The following DMD variants were observed in gnomAD, a reference collection of about 807,000 sequenced individuals.
DMD encodes dystrophin.
Under a neutral mutation model 330.1 loss-of-function variants are expected in DMD, and 63 were observed. The ratio of observed to expected loss-of-function variants is 0.19; its 90% CI spans 0.16 to 0.24. The LOEUF (loss-of-function observed/expected upper bound fraction) is 0.24. DMD is among the 10% of genes least tolerant of loss of function. The pLI, the probability that DMD is intolerant of heterozygous loss-of-function variation, is 1.00. For missense variants in DMD, 3,344 were observed against 2,684.1 expected (o/e 1.25, Z -5.43); for synonymous variants, 1,223 against 959.8 (o/e 1.27, Z -5.07).
chrX:32,983,442 G>A lies in DMD; in HGVS notation c.93+36697C>T, dbSNP rs1270227487. Among the ~76,000 whole-genome samples the A allele has an allele frequency of 3.7e-5, 4 of 107,861 alleles. No individual in the cohort carries two copies. In the East Asian group the frequency reaches 8.8e-4, roughly 24 times the overall value. The allele number at this position is 107,861 out of a possible 115,157, so 93.7% of individuals were successfully genotyped here. A position where few individuals can be genotyped will look rare whatever the true frequency, so the allele number is the denominator to read the frequency against. On this transcript the variant is annotated intron_variant, in intron 2 of 78. Transcript: ENST00000357033. Reference sequence around the variant, plus strand: ...GATTTGGTTTCTAGATCCAACTGAAGAGCCTACTAAGAACTAAAAGGGGGA... The same window carrying A: ...GATTTGGTTTCTAGATCCAACTGAAAAGCCTACTAAGAACTAAAAGGGGGA...
chrX:31,365,846 G>A (rs994931304), intron 60 of DMD, among the ~76,000 whole-genome samples: 4 of 112,646 alleles, frequency 3.6e-5, no homozygotes, highest in Non-Finnish European at 5.6e-5. Flanking sequence ...AGTGACACAC[G>A]TAGGTGAATG....
chrX:32,344,194 T>C (rs1436538388), intron 39 of DMD, among the ~76,000 whole-genome samples: 1 of 112,053 alleles, frequency 8.9e-6, no homozygotes, highest in Non-Finnish European at 1.9e-5. Flanking sequence ...CTTTCATTTC[T>C]ACAGAAAGTA....
chrX:32,122,140 T>C (rs1484309858), intron 44 of DMD, among the ~76,000 whole-genome samples: 1 of 111,507 alleles, frequency 9.0e-6, no homozygotes, highest in Non-Finnish European at 1.9e-5. Flanking sequence ...AAGGGGGCTT[T>C]CTAAAATTCA....
intron 7 of DMD, among the ~76,000 whole-genome samples, chrX:32,720,664 A>G (rs1603264193): frequency 8.9e-6 from 1 of 111,870 alleles, no homozygotes; most frequent in East Asian, 2.8e-4. Context: ...TTTTAGATAA[A>G]TATTAGAAAG....
At chrX:32,162,861 T>G (rs2096855302) in intron 44 of DMD, among the ~76,000 whole-genome samples, 1 of 109,794 alleles carries the variant, frequency 9.1e-6, no homozygotes, top group African/African-American at 3.3e-5. Flanking sequence ...ATTACAGGCA[T>G]GCAACAAGCA....
At chrX:32,425,565 A>G (rs1417142291) in intron 29 of DMD, among the ~76,000 whole-genome samples, 1 of 110,756 alleles carries the variant, frequency 9.0e-6, no homozygotes, top group Non-Finnish European at 1.9e-5. Context: ...TTTCTTTCTC[A>G]TTTTTTCATC....
intron 43 of DMD, among the ~76,000 whole-genome samples, chrX:32,252,373 G>A (rs763566936): frequency 2.8e-4 from 30 of 108,045 alleles, no homozygotes; most frequent in African/African-American, 8.8e-4. Flanking sequence ...CACCTACTGC[G>A]GCTTGTAAAT....
At chrX:31,294,564 C>A (rs2054020274) in intron 62 of DMD, among the ~76,000 whole-genome samples, 1 of 112,118 alleles carries the variant, frequency 8.9e-6, no homozygotes, top group South Asian at 3.7e-4. Flanking sequence ...GTTGGATTAT[C>A]TTTGACATTC....
At chrX:32,071,178 C>T (rs1004899823) in intron 44 of DMD, among the ~76,000 whole-genome samples, 108 of 110,165 alleles carry the variant, frequency 9.8e-4, no homozygotes, top group Admixed American at 3.8e-3. Context: ...GGGTATATAC[C>T]CAGTAATGGG....
chrX:31,823,008 C>G (rs1295707313), intron 49 of DMD, among the ~76,000 whole-genome samples: 1 of 61,687 alleles, frequency 1.6e-5, no homozygotes, highest in Non-Finnish European at 2.9e-5. Flanking sequence ...CGTGCCCACC[C>G]TATCTAAAAA....
At chrX:32,480,413 T>C (rs1196061508) in intron 21 of DMD, among the ~76,000 whole-genome samples, 1 of 111,077 alleles carries the variant, frequency 9.0e-6, no homozygotes, top group Non-Finnish European at 1.9e-5. Context: ...TATGTCTACA[T>C]GTGTATATAC....
chrX:33,141,339 T>G, intron 1 of DMD, among the ~76,000 whole-genome samples: 1 of 111,282 alleles, frequency 9.0e-6, no homozygotes, highest in Non-Finnish European at 1.9e-5. Flanking sequence ...CTCAGCAAAT[T>G]TTAGTAGCCT....
chrX:32,325,425 C>T (rs1251961876), intron 41 of DMD, among the ~76,000 whole-genome samples: 1 of 111,732 alleles, frequency 8.9e-6, no homozygotes, highest in African/African-American at 3.2e-5. Context: ...TATCAGTAGG[C>T]ATGGCCCCCT....
chrX:32,819,848 T>TAAA lies in DMD; in HGVS notation c.358-3211_358-3209dup, dbSNP rs35344665. On this transcript the variant is annotated intron_variant, in intron 5 of 78. Coordinates refer to ENST00000357033, the MANE Select transcript of DMD (RefSeq NM_004006.3). ...AGGAAGAAAATATGTAATGTTGGTG[T>TAAA]AAAAAAAAAAAAAAAAAAGAAAAAC... 7.4e-4 allele frequency among the ~76,000 whole-genome samples: 60 copies of TAAA among 80,977 alleles called. No individual in the cohort carries two copies. The East Asian group carries it at 0.016, about 21-fold the overall frequency. 70.3% of individuals were successfully genotyped at this position (80,977 alleles called of 115,157 possible). A position where few individuals can be genotyped will look rare whatever the true frequency, so the allele number is the denominator to read the frequency against.
chrX:32,419,306 T>A (rs1481865079), intron 29 of DMD, among the ~76,000 whole-genome samples: 1 of 112,056 alleles, frequency 8.9e-6, no homozygotes, highest in Non-Finnish European at 1.9e-5. Flanking sequence ...CAAGATTCAC[T>A]TTGTTGCTTT....
chrX:31,289,278 T>C (rs759252577), intron 62 of DMD, among the ~76,000 whole-genome samples: 1 of 62,174 alleles, frequency 1.6e-5, no homozygotes, highest in African/African-American at 9.1e-5. Context: ...AAAAATAAAA[T>C]AAAATCCATC....
chrX:32,900,926 C>T (rs375036410), intron 2 of DMD, among the ~76,000 whole-genome samples: 1 of 110,301 alleles, frequency 9.1e-6, no homozygotes, highest in Non-Finnish European at 1.9e-5. Flanking sequence ...AAGAATTACT[C>T]GAATAAGCCA....
At chrX:33,294,574 G>C (rs2053558528) in intron 1 of DMD, among the ~76,000 whole-genome samples, 1 of 110,207 alleles carries the variant, frequency 9.1e-6, no homozygotes, top group Non-Finnish European at 1.9e-5. Context: ...TGCATTTGTA[G>C]GCTCTGTTTT....
chrX:31,942,789 C>T (rs183478146), intron 45 of DMD, among the ~76,000 whole-genome samples: 35 of 112,042 alleles, frequency 3.1e-4, no homozygotes, highest in East Asian at 8.4e-4. Context: ...CTATTGTGAT[C>T]GCACCCTATC....
Sources: allele counts gnomAD v4.1 joint callset (sites outside exome capture counted in the v4.1 genomes callset), GRCh38; gene constraint gnomAD v4.1.1; transcripts MANE v1.5; gene names NCBI Gene and HGNC (gene_info 2026-07-23, HGNC 2026-07-21).